ST6GAL1: variants seen among roughly 807,000 people sequenced by gnomAD.
ST6GAL1 encodes beta-galactoside alpha-2,6-sialyltransferase 1.
A neutral mutation model predicts 38.0 loss-of-function variants in ST6GAL1; 20 were observed. That is an observed-to-expected ratio of 0.53 (90% CI 0.37 to 0.77). ST6GAL1 has a LOEUF of 0.77. ST6GAL1 is among the 30% of genes least tolerant of loss of function. The probability of loss-of-function intolerance (pLI) is 0.00; values close to 1 mark genes in which losing one functional copy is unlikely to be tolerated. For missense variants in ST6GAL1, 432 were observed against 496.4 expected, an observed-to-expected ratio of 0.87 and a Z score of 1.23; for synonymous variants, 196 against 188.2, an observed-to-expected ratio of 1.04 and a Z score of -0.34.
chr3:187,073,897 C>T (rs1289771829), intron 6 of ST6GAL1: 1 of 334,340 alleles, frequency 3.0e-6, no homozygotes, highest in African/African-American at 2.1e-5. Flanking sequence ...GGACTCTGAT[C>T]CTGAAGCCTG....
chr3:186,937,082 CTT>C (rs532470628), intron 1 of ST6GAL1, among the ~76,000 whole-genome samples: 1 of 148,296 alleles, frequency 6.7e-6, no homozygotes, highest in African/African-American at 2.5e-5. Flanking sequence ...TTTCCTTCTT[CTT>C]TTTTTTTTAA....
intron 1 of ST6GAL1, among the ~76,000 whole-genome samples, chr3:186,960,969 C>CTTTT (rs531371070): frequency 8.0e-6 from 1 of 124,748 alleles, no homozygotes; most frequent in African/African-American, 3.0e-5. Flanking sequence ...ATCATTTGAT[C>CTTTT]TTTTTTTTTT....
intron 1 of ST6GAL1, among the ~76,000 whole-genome samples, chr3:186,939,901 C>T (rs1714104849): frequency 6.6e-6 from 1 of 152,130 alleles, no homozygotes; most frequent in Non-Finnish European, 1.5e-5. Context: ...GGTAGCAGGC[C>T]CTCTCTCACA....
intron 2 of ST6GAL1, among the ~76,000 whole-genome samples, chr3:187,018,942 C>T (rs1717206484): frequency 1.3e-5 from 2 of 152,132 alleles, no homozygotes; most frequent in African/African-American, 4.8e-5. Flanking sequence ...GGGAGAAGCA[C>T]GTTCACCACG....
intron 1 of ST6GAL1, among the ~76,000 whole-genome samples, chr3:186,961,661 G>T (rs1401569550): frequency 6.6e-6 from 1 of 152,152 alleles, no homozygotes; most frequent in African/African-American, 2.4e-5. Flanking sequence ...AGGGCATGAG[G>T]CTGGTCAGCT....
rs187165131 is a variant in ST6GAL1, at chr3:186,991,472, C to T, written c.-183+27546C>T. On this transcript the variant is annotated intron_variant, in intron 2 of 7. Coordinates refer to ENST00000169298, the MANE Select transcript of ST6GAL1 (RefSeq NM_173216.2). ...ACTGGGGATCAGGGAGGCTTTGGCT[C>T]CTGATACTAAATGACCTCTTATTTG... Among the ~76,000 whole-genome samples, 69 of 152,230 alleles carry T rather than the reference C, an allele frequency of 4.5e-4. 2 individuals carry two copies. In the East Asian group the frequency reaches 0.013, roughly 28 times the overall value.
At chr3:187,069,542 A>G (rs781169169) in intron 5 of ST6GAL1, among the ~76,000 whole-genome samples, 1 of 152,180 alleles carries the variant, frequency 6.6e-6, no homozygotes, top group Non-Finnish European at 1.5e-5. Flanking sequence ...CTTCACATCT[A>G]CAGCCGACAA....
At chr3:186,956,031 G>A (rs1256300438) in intron 1 of ST6GAL1, among the ~76,000 whole-genome samples, 1 of 152,090 alleles carries the variant, frequency 6.6e-6, no homozygotes, top group South Asian at 2.1e-4. Context: ...CAGCTTGCTA[G>A]TGTAGAACTA....
chr3:186,962,221 G>C (rs1714959561), intron 1 of ST6GAL1, among the ~76,000 whole-genome samples: 1 of 152,154 alleles, frequency 6.6e-6, no homozygotes, highest in African/African-American at 2.4e-5. Context: ...CGTCTCATGG[G>C]ATGACTCTTG....
intron 1 of ST6GAL1, among the ~76,000 whole-genome samples, chr3:186,936,913 G>T (rs554383156): frequency 2.0e-4 from 26 of 130,904 alleles, no homozygotes; most frequent in African/African-American, 6.8e-4. Context: ...CTGTACTCCA[G>T]CCTGGGTGAC....
chr3:187,047,290 G>T (rs1718335088), intron 4 of ST6GAL1, among the ~76,000 whole-genome samples: 2 of 151,052 alleles, frequency 1.3e-5, no homozygotes, highest in Admixed American at 1.3e-4. Context: ...TAGTATGTCT[G>T]TTTTCTTCAA....
chr3:187,073,239 A>G (rs1436648748), intron 6 of ST6GAL1, among the ~76,000 whole-genome samples: 4 of 152,174 alleles, frequency 2.6e-5, no homozygotes, highest in African/African-American at 9.7e-5. Flanking sequence ...CATTAATGCA[A>G]TTATTCGTGA....
chr3:187,042,528 GA>G (rs1213558019), intron 3 of ST6GAL1, 125 bp from the exon 4 acceptor site: 3 of 909,938 alleles, frequency 3.3e-6, no homozygotes, highest in Non-Finnish European at 3.3e-6. Flanking sequence ...AGGTGGCCAG[GA>G]GGTAGACCAG....
chr3:186,985,169 A>T (rs1047533368), intron 2 of ST6GAL1, among the ~76,000 whole-genome samples: 2 of 152,000 alleles, frequency 1.3e-5, no homozygotes, highest in Non-Finnish European at 2.9e-5. Flanking sequence ...TCAGCCTCCC[A>T]AAGTGTTGGG....
intron 2 of ST6GAL1, among the ~76,000 whole-genome samples, chr3:187,018,729 C>G (rs772299881): frequency 6.6e-6 from 1 of 152,208 alleles, no homozygotes; most frequent in Non-Finnish European, 1.5e-5. Context: ...CTCACAGACA[C>G]GCCCAGGATC....
intron 5 of ST6GAL1, among the ~76,000 whole-genome samples, chr3:187,059,698 G>A (rs11915105): frequency 0.082 from 12,507 of 152,164 alleles, 674 homozygotes; most frequent in African/African-American, 0.14. Context: ...TCTGTGCAAA[G>A]CACTTAGAAC....
At chr3:187,004,605 T>TC (rs1483865393) in intron 2 of ST6GAL1, among the ~76,000 whole-genome samples, 6 of 152,206 alleles carry the variant, frequency 3.9e-5, no homozygotes, top group Admixed American at 2.6e-4. Context: ...GAGAATGATG[T>TC]CCTGTTAGCT....
intron 1 of ST6GAL1, among the ~76,000 whole-genome samples, chr3:186,933,849 T>C (rs1212097197): frequency 6.6e-6 from 1 of 152,220 alleles, no homozygotes; most frequent in East Asian, 1.9e-4. Context: ...CAATTCCTTA[T>C]GGATTTAAAT....
At chr3:187,056,411 A>G (rs114205064) in intron 5 of ST6GAL1, among the ~76,000 whole-genome samples, 1,832 of 152,276 alleles carry the variant, frequency 0.012, 12 homozygotes, top group Non-Finnish European at 0.018. Flanking sequence ...GGTTTTTACA[A>G]TGTAGCATGT....
Sources: gnomAD v4.1 joint callset for allele counts (sites outside exome capture counted in the v4.1 genomes callset) on GRCh38, gnomAD v4.1.1 for gene constraint, MANE v1.5 for transcripts, NCBI Gene and HGNC (gene_info 2026-07-23, HGNC 2026-07-21) for gene names.